RGS6: variants seen among roughly 807,000 people sequenced by gnomAD.
RGS6 encodes regulator of G protein signaling 6.
Under a neutral mutation model 78.5 loss-of-function variants are expected in RGS6, and 30 were observed. The observed-to-expected ratio is 0.38, with a 90% CI of 0.29 to 0.52. The LOEUF (loss-of-function observed/expected upper bound fraction) is 0.52. Among genes scored for constraint, RGS6 ranks in the 20% least tolerant of loss-of-function variants. The pLI, the probability that RGS6 is intolerant of heterozygous loss-of-function variation, is 0.85. For missense variants in RGS6, 495 were observed against 609.7 expected (o/e 0.81, Z 1.98); for synonymous variants, 206 against 206.0 (o/e 1.00, Z 0.00).
chr14:72,513,315 C>A (rs985883922), intron 14 of RGS6, among the ~76,000 whole-genome samples: 15 of 152,098 alleles, frequency 9.9e-5, no homozygotes, highest in African/African-American at 3.6e-4. Context: ...GGAACAATTT[C>A]TATGATGATG....
intron 2 of RGS6, among the ~76,000 whole-genome samples, chr14:72,029,956 T>C (rs116562164): frequency 5.9e-4 from 90 of 152,348 alleles, no homozygotes; most frequent in African/African-American, 2.0e-3. Context: ...GTTTAAATTC[T>C]GAGCAAAATA....
chr14:72,354,255 A>G (rs577305720), intron 3 of RGS6, among the ~76,000 whole-genome samples: 26 of 152,228 alleles, frequency 1.7e-4, no homozygotes, highest in African/African-American at 6.0e-4. Flanking sequence ...ATCAGGTACC[A>G]TCATAGGTTC....
At chr14:72,196,188 G>A (rs2153728558) in intron 2 of RGS6, among the ~76,000 whole-genome samples, 1 of 152,264 alleles carries the variant, frequency 6.6e-6, no homozygotes, top group South Asian at 2.1e-4. Context: ...GATTGTGGGA[G>A]GGTACAATGA....
At chr14:72,231,138 C>A (rs1481112268) in intron 2 of RGS6, among the ~76,000 whole-genome samples, 1 of 152,140 alleles carries the variant, frequency 6.6e-6, no homozygotes, top group African/African-American at 2.4e-5. Flanking sequence ...GAATGGTGGA[C>A]AAAGTCCCTC....
At chr14:72,559,098 T>G (rs2097632460) in intron 17 of RGS6, among the ~76,000 whole-genome samples, 1 of 152,210 alleles carries the variant, frequency 6.6e-6, no homozygotes, top group Admixed American at 6.5e-5. Flanking sequence ...ACCATTCCCC[T>G]TCTGAAGTGG....
At chr14:72,052,983 T>TTCTTTC (rs1447550101) in intron 2 of RGS6, among the ~76,000 whole-genome samples, 9 of 85,630 alleles carry the variant, frequency 1.1e-4, no homozygotes, top group African/African-American at 4.6e-4. Context: ...CTTTCTTTCT[T>TTCTTTC]TCTCTCTCTC....
At chr14:72,618,879 G>A in the RGS6 span, among the ~76,000 whole-genome samples, 1 of 152,182 alleles carries the variant, frequency 6.6e-6, no homozygotes, top group African/African-American at 2.4e-5. Context: ...CCTAAGCTGG[G>A]GGCACGGGGG....
intron 2 of RGS6, among the ~76,000 whole-genome samples, chr14:72,284,060 A>T (rs1396966623): frequency 6.6e-6 from 1 of 152,178 alleles, no homozygotes; most frequent in African/African-American, 2.4e-5. Context: ...GAGGGAGATG[A>T]TTTAGGGTAT....
At chr14:72,537,810 C>T in intron 16 of RGS6, 1 of 455,978 alleles carries the variant, frequency 2.2e-6, no homozygotes, top group Non-Finnish European at 3.9e-6. Context: ...CCAGTCTAGG[C>T]CTGTCTACAC....
At chr14:71,880,523 C>A in the RGS6 span, among the ~76,000 whole-genome samples, 1 of 152,186 alleles carries the variant, frequency 6.6e-6, no homozygotes, top group East Asian at 1.9e-4. Flanking sequence ...ACTTGGTGCC[C>A]CTTGCCTCAG....
chr14:72,061,490 T>G (rs1217828267), intron 2 of RGS6, among the ~76,000 whole-genome samples: 1 of 152,136 alleles, frequency 6.6e-6, no homozygotes, highest in East Asian at 1.9e-4. Context: ...GCCACATTAC[T>G]GAACAAGAGA....
intron 2 of RGS6, among the ~76,000 whole-genome samples, chr14:72,243,102 G>A (rs555595122): frequency 2.8e-4 from 42 of 151,916 alleles, no homozygotes; most frequent in Admixed American, 3.9e-4. Flanking sequence ...CACCCGCCTC[G>A]GCCTCCCAAA....
At chr14:71,907,494 A>C in the RGS6 span, among the ~76,000 whole-genome samples, 1 of 152,156 alleles carries the variant, frequency 6.6e-6, no homozygotes, top group Non-Finnish European at 1.5e-5. Context: ...GCAAGGCTGT[A>C]GAAAGTGGAG....
At chr14:72,310,785 GGCTGCT>G (rs1336784984) in intron 2 of RGS6, among the ~76,000 whole-genome samples, 1 of 152,154 alleles carries the variant, frequency 6.6e-6, no homozygotes, top group Non-Finnish European at 1.5e-5. Flanking sequence ...ATAAGACACA[GGCTGCT>G]GCTTTAAGGA....
At chr14:72,497,305 GT>G (rs2096658625) in intron 13 of RGS6, among the ~76,000 whole-genome samples, 1 of 152,020 alleles carries the variant, frequency 6.6e-6, no homozygotes, top group Admixed American at 6.5e-5. Flanking sequence ...TCATTTTACT[GT>G]TTTGTTTCCT....
chr14:71,913,469 GA>G, the RGS6 span, among the ~76,000 whole-genome samples: 1 of 152,196 alleles, frequency 6.6e-6, no homozygotes, highest in Non-Finnish European at 1.5e-5. Flanking sequence ...GTTAACAGAG[GA>G]AAGTGGGCTG....
downstream of RGS6, among the ~76,000 whole-genome samples, chr14:72,567,245 T>G (rs1376946373): frequency 6.6e-6 from 1 of 152,102 alleles, no homozygotes; most frequent in Non-Finnish European, 1.5e-5. Flanking sequence ...TTGTGCAGGA[T>G]TTTCTGCCCC....
At chr14:72,106,051 G>T (rs928129049) in intron 2 of RGS6, among the ~76,000 whole-genome samples, 10 of 152,170 alleles carry the variant, frequency 6.6e-5, no homozygotes, top group African/African-American at 2.4e-4. Context: ...AGATCCAGAG[G>T]TCGCAGTGGG....
the RGS6 span, among the ~76,000 whole-genome samples, chr14:71,921,297 A>G: frequency 1.3e-5 from 2 of 152,228 alleles, no homozygotes; most frequent in African/African-American, 4.8e-5. Flanking sequence ...GGTTCCCCCA[A>G]AGATTAAAAA....
Sources: gnomAD v4.1 joint callset for allele counts (sites outside exome capture counted in the v4.1 genomes callset) on GRCh38, gnomAD v4.1.1 for gene constraint, MANE v1.5 for transcripts, NCBI Gene and HGNC (gene_info 2026-07-23, HGNC 2026-07-21) for gene names.